The following LAMA2 variants were observed in gnomAD, a reference collection of about 807,000 sequenced individuals.
LAMA2 encodes laminin subunit alpha 2, also known as laminin subunit alpha-2.
LAMA2 carries 269 observed loss-of-function variants against 364.8 expected under a neutral mutation model. That is an observed-to-expected ratio of 0.74 (90% CI 0.67 to 0.82). The LOEUF (loss-of-function observed/expected upper bound fraction) is 0.82. Among genes scored for constraint, LAMA2 ranks in the 40% least tolerant of loss-of-function variants. The pLI is 0.00. For synonymous variants in LAMA2, 1,379 were observed against 1,370.6 expected (o/e 1.01, Z -0.14); for missense variants, 3,807 against 3,873.2 (o/e 0.98, Z 0.45).
intron 3 of LAMA2, among the ~76,000 whole-genome samples, chr6:129,079,961 G>C (rs1773933433): frequency 6.6e-6 from 1 of 152,044 alleles, no homozygotes; most frequent in Non-Finnish European, 1.5e-5. Context: ...AACTCAAAAA[G>C]AGTCAGTTAG....
In LAMA2 at chr6:129,342,309, T is replaced by G. The variant is rs770322091; in HGVS notation, c.4312-34T>G. 1.9e-6 allele frequency: 3 copies of G among 1,603,558 alleles called. No individual in the cohort carries two copies. In the Admixed American group the frequency reaches 5.0e-5, roughly 27 times the overall value. On this transcript the variant is annotated intron_variant, in intron 29 of 64. Coordinates refer to ENST00000421865, the MANE Select transcript of LAMA2 (RefSeq NM_000426.4). Reference sequence around the variant, plus strand: ...AATTACATTCTAACTATCACTAAATTAAAAACAAACTTCTTCTCCCTTTTC... The same window carrying G: ...AATTACATTCTAACTATCACTAAATGAAAAACAAACTTCTTCTCCCTTTTC...
chr6:129,246,552 C>A (rs1162785864), intron 12 of LAMA2, among the ~76,000 whole-genome samples: 1 of 152,142 alleles, frequency 6.6e-6, no homozygotes, highest in Non-Finnish European at 1.5e-5. Context: ...TGAAACTACA[C>A]GGAAACTTGA....
chr6:129,239,451 C>T (rs1370813740), intron 12 of LAMA2, among the ~76,000 whole-genome samples: 1 of 152,124 alleles, frequency 6.6e-6, no homozygotes, highest in Admixed American at 6.5e-5. Flanking sequence ...ATTCTATTAC[C>T]CTACAATAGA....
intron 53 of LAMA2, among the ~76,000 whole-genome samples, 183 bp from the exon 54 acceptor site, chr6:129,478,510 G>A (rs918535672): frequency 6.6e-6 from 1 of 152,122 alleles, no homozygotes. Context: ...AGGATAACAT[G>A]AACATCCATT....
intron 7 of LAMA2, among the ~76,000 whole-genome samples, chr6:129,153,404 G>A (rs1375691822): frequency 6.6e-6 from 1 of 152,154 alleles, no homozygotes; most frequent in African/African-American, 2.4e-5. Context: ...CCACATCCAA[G>A]ACAGTTGGTT....
chr6:129,294,273 C>T (rs1789933176), intron 20 of LAMA2, among the ~76,000 whole-genome samples: 1 of 152,158 alleles, frequency 6.6e-6, no homozygotes, highest in South Asian at 2.1e-4. Context: ...AGTAATCAGC[C>T]TGAGAGAAGG....
chr6:129,427,861 G>A lies in LAMA2; in HGVS notation c.5968+7G>A. 6.4e-7 allele frequency: 1 copy of A among 1,565,448 alleles called. No individual in the cohort carries two copies. The highest frequency in any genetic ancestry group is 8.8e-7 in the Non-Finnish European group (1 of 1,135,898). ...TTAGCAAATGATGTAAAAGGTCAGT[G>A]TGGCCATAGTTTTTATTATATTCCA... On this transcript the variant is annotated splice_region_variant and intron_variant, in intron 41 of 64. Transcript: ENST00000421865.
intron 14 of LAMA2, among the ~76,000 whole-genome samples, chr6:129,258,156 C>T (rs1419368669): frequency 6.6e-6 from 1 of 151,980 alleles, no homozygotes; most frequent in African/African-American, 2.4e-5. Flanking sequence ...CAAGGAGTAG[C>T]CCATAAGCTC....
chr6:129,104,329 C>G (rs988580834), intron 4 of LAMA2, among the ~76,000 whole-genome samples: 8 of 152,144 alleles, frequency 5.3e-5, no homozygotes, highest in Admixed American at 3.9e-4. Flanking sequence ...AAGGCCCACC[C>G]ATGTAACAAG....
At position 129,088,508 on chromosome 6, in the gene LAMA2, G is replaced by A. The variant is rs530094887; in HGVS notation, c.397-9665G>A. On this transcript the variant is annotated intron_variant, in intron 3 of 64. Coordinates refer to ENST00000421865, the MANE Select transcript of LAMA2 (RefSeq NM_000426.4). The stretch of plus-strand genomic sequence containing the variant: ...CCCCCACCTCCCTCCCAGACGGGGT[G>A]GCTGGCCAGGCGGGGGCTGCCCCCT... Among the ~76,000 whole-genome samples the A allele has an allele frequency of 4.2e-4, 63 of 151,110 alleles. 1 individual carries two copies. In the South Asian group the frequency reaches 0.011, roughly 26 times the overall value.
At chr6:129,012,397 T>G (rs1235671161) in intron 1 of LAMA2, among the ~76,000 whole-genome samples, 4 of 152,200 alleles carry the variant, frequency 2.6e-5, no homozygotes, top group Non-Finnish European at 5.9e-5. Context: ...GTCATCACCT[T>G]TGTTTCTTCT....
chr6:129,017,688 A>G (rs961393434), intron 1 of LAMA2, among the ~76,000 whole-genome samples: 1 of 152,204 alleles, frequency 6.6e-6, no homozygotes, highest in East Asian at 1.9e-4. Flanking sequence ...TGATGATAAC[A>G]TGTGATAGGT....
intron 1 of LAMA2, among the ~76,000 whole-genome samples, chr6:129,038,088 T>A (rs1786791068): frequency 6.6e-6 from 1 of 152,134 alleles, no homozygotes; most frequent in South Asian, 2.1e-4. Context: ...ATAGTGAAAA[T>A]AAAGAGCACA....
intron 1 of LAMA2, among the ~76,000 whole-genome samples, chr6:128,883,696 A>C (rs1390629616): frequency 2.6e-5 from 4 of 151,978 alleles, no homozygotes; most frequent in African/African-American, 9.7e-5. Context: ...AATTTCTTCA[A>C]ATCAGAGCCC....
At chr6:129,492,218 A>G (rs1784903275) in intron 57 of LAMA2, 97 bp from the exon 58 acceptor site, 1 of 1,435,852 alleles carries the variant, frequency 7.0e-7, no homozygotes, top group African/African-American at 1.4e-5. Context: ...TGAGAAAAGC[A>G]CACTAATGGA....
chr6:128,969,424 TC>T (rs1462863302), intron 1 of LAMA2, among the ~76,000 whole-genome samples: 2 of 152,116 alleles, frequency 1.3e-5, no homozygotes, highest in Non-Finnish European at 2.9e-5. Context: ...GGTTAATGAT[TC>T]CTGTGAATTT....
intron 1 of LAMA2, among the ~76,000 whole-genome samples, chr6:128,936,919 G>A (rs1450091445): frequency 1.3e-5 from 2 of 152,138 alleles, no homozygotes; most frequent in African/African-American, 4.8e-5. Flanking sequence ...AGGTGCATAT[G>A]ATATCAATGT....
intron 1 of LAMA2, among the ~76,000 whole-genome samples, chr6:128,990,878 GAT>G (rs1324408486): frequency 1.3e-5 from 2 of 152,020 alleles, no homozygotes; most frequent in African/African-American, 4.8e-5. Context: ...GCATAAAGAG[GAT>G]ATTTTAATCA....
intron 4 of LAMA2, among the ~76,000 whole-genome samples, chr6:129,113,522 G>T (rs1776284969): frequency 6.6e-6 from 1 of 151,970 alleles, no homozygotes; most frequent in African/African-American, 2.4e-5. Context: ...ACAGTTTGTT[G>T]TCTGGGTGCC....
Sources: allele counts gnomAD v4.1 joint callset (sites outside exome capture counted in the v4.1 genomes callset), GRCh38; gene constraint gnomAD v4.1.1; transcripts MANE v1.5; gene names NCBI Gene and HGNC (gene_info 2026-07-23, HGNC 2026-07-21).